JAM3: variants seen among roughly 807,000 people sequenced by gnomAD.
The protein encoded by JAM3 is junctional adhesion molecule 3, also known as junctional adhesion molecule C.
JAM3 carries 31 observed loss-of-function variants against 39.4 expected under a neutral mutation model. That is an observed-to-expected ratio of 0.79 (90% CI 0.59 to 1.06). JAM3 has a LOEUF of 1.06. Ranked by LOEUF, JAM3 falls within the 50% of genes least tolerant of loss-of-function variation. JAM3 has a pLI of 0.00. For synonymous variants in JAM3, 182 were observed against 148.7 expected (o/e 1.22, Z -1.63); for missense variants, 455 against 391.4 (o/e 1.16, Z -1.37).
At chr11:134,089,884 A>G (rs1941813685) in intron 1 of JAM3, among the ~76,000 whole-genome samples, 1 of 152,194 alleles carries the variant, frequency 6.6e-6, no homozygotes, top group African/African-American at 2.4e-5. Context: ...GAATCGCCAC[A>G]CTGACTTCCA....
intron 1 of JAM3, among the ~76,000 whole-genome samples, chr11:134,076,698 A>C (rs1941576355): frequency 6.6e-6 from 1 of 151,904 alleles, no homozygotes; most frequent in Non-Finnish European, 1.5e-5. Context: ...CACTGGGGGA[A>C]GTATTTTTTA....
At chr11:134,100,122 G>T (rs1056808492) in intron 1 of JAM3, among the ~76,000 whole-genome samples, 7 of 152,016 alleles carry the variant, frequency 4.6e-5, no homozygotes, top group South Asian at 2.1e-4. Flanking sequence ...CTCAAATTCT[G>T]TTTCTGATTA....
intron 1 of JAM3, among the ~76,000 whole-genome samples, chr11:134,113,969 C>G (rs1403447938): frequency 7.2e-5 from 11 of 152,260 alleles, no homozygotes; most frequent in Admixed American, 1.3e-4. Context: ...CTTCATGTGT[C>G]TTTTGGCTGC....
Position 134,099,490 on chromosome 11 carries a change from C to T in JAM3, c.76+30331C>T, listed in dbSNP as rs1468647432. Among the ~76,000 whole-genome samples the T allele has an allele frequency of 1.3e-5, 2 of 152,216 alleles. 1 individual carries two copies. The highest frequency in any genetic ancestry group is 4.8e-5 in the African/African-American group (2 of 41,452). ...TCTGATGGTGGTATTGAGGATAAGACAGTATTTGTCATCTGTAATTAACTG... is the reference window on the plus strand; with the variant it reads ...TCTGATGGTGGTATTGAGGATAAGATAGTATTTGTCATCTGTAATTAACTG... On this transcript the variant is annotated intron_variant, in intron 1 of 8. Coordinates refer to ENST00000299106, the MANE Select transcript of JAM3 (RefSeq NM_032801.5).
intron 1 of JAM3, among the ~76,000 whole-genome samples, chr11:134,117,391 AAC>A (rs1264914044): frequency 6.6e-6 from 1 of 152,086 alleles, no homozygotes; most frequent in Non-Finnish European, 1.5e-5. Flanking sequence ...AAAAAAGAAA[AAC>A]AATCCAAATT....
intron 1 of JAM3, among the ~76,000 whole-genome samples, chr11:134,071,266 T>A (rs1941480994): frequency 6.6e-6 from 1 of 152,218 alleles, no homozygotes. Context: ...TTGTGCCCTT[T>A]TGTGGATGAG....
intron 1 of JAM3, among the ~76,000 whole-genome samples, chr11:134,138,989 C>A (rs535805232): frequency 3.5e-4 from 53 of 152,272 alleles, no homozygotes; most frequent in Non-Finnish European, 6.9e-4. Context: ...AGCCAGGACC[C>A]AGAGACCTTC....
intron 1 of JAM3, among the ~76,000 whole-genome samples, chr11:134,095,836 C>A (rs1033838554): frequency 2.0e-5 from 3 of 152,182 alleles, no homozygotes; most frequent in African/African-American, 7.2e-5. Context: ...TAACAAACAT[C>A]TTAAATGTTG....
chr11:134,116,474 A>G (rs1004517554), intron 1 of JAM3, among the ~76,000 whole-genome samples: 1 of 152,184 alleles, frequency 6.6e-6, no homozygotes, highest in African/African-American at 2.4e-5. Flanking sequence ...ATAATCCAAT[A>G]GTATCATAAT....
At chr11:134,095,170 C>A (rs750461934) in intron 1 of JAM3, among the ~76,000 whole-genome samples, 1 of 152,150 alleles carries the variant, frequency 6.6e-6, no homozygotes, top group Non-Finnish European at 1.5e-5. Flanking sequence ...GAAAGTAAAC[C>A]AGCATTGTTT....
At chr11:134,116,238 A>G (rs1252319788) in intron 1 of JAM3, among the ~76,000 whole-genome samples, 1 of 152,214 alleles carries the variant, frequency 6.6e-6, no homozygotes, top group Admixed American at 6.5e-5. Context: ...CTATTCAAGT[A>G]TTCTGATAAA....
intron 1 of JAM3, among the ~76,000 whole-genome samples, chr11:134,071,209 T>G (rs583109): frequency 0.44 from 66,995 of 152,086 alleles, 17,483 homozygotes; most frequent in African/African-American, 0.74. Flanking sequence ...AATTTAATGT[T>G]TGCTAATTTA....
At chr11:134,072,906 G>C (rs547404413) in intron 1 of JAM3, among the ~76,000 whole-genome samples, 1 of 152,068 alleles carries the variant, frequency 6.6e-6, no homozygotes, top group Non-Finnish European at 1.5e-5. Flanking sequence ...GTGAAACTCC[G>C]TCTTGGGGGA....
chr11:134,071,037 C>T (rs2120552902), intron 1 of JAM3, among the ~76,000 whole-genome samples: 1 of 152,068 alleles, frequency 6.6e-6, no homozygotes, highest in African/African-American at 2.4e-5. Context: ...TTTAAGCTAC[C>T]CTAAAACTGT....
At chr11:134,146,075 G>A (rs374005512) in intron 6 of JAM3, 30 bp downstream of exon 6, 8 of 1,370,538 alleles carry the variant, frequency 5.8e-6, no homozygotes, top group East Asian at 4.6e-5. Context: ...AGGTTTCATC[G>A]CAAGACTGGG....
intron 3 of JAM3, 101 bp downstream of exon 3, chr11:134,140,871 C>T: frequency 2.1e-6 from 3 of 1,442,244 alleles, no homozygotes; most frequent in Admixed American, 2.2e-5. Context: ...TAACCTGCAT[C>T]TGTAGCTAGG....
chr11:134,146,239 TCAAAA>T (rs1462237380), intron 6 of JAM3, among the ~76,000 whole-genome samples, 194 bp downstream of exon 6: 1 of 152,182 alleles, frequency 6.6e-6, no homozygotes, highest in East Asian at 1.9e-4. Flanking sequence ...AAGCAGGTCC[TCAAAA>T]CAAAACCTTC....
chr11:134,106,833 C>T (rs976408108), intron 1 of JAM3, among the ~76,000 whole-genome samples: 13 of 152,306 alleles, frequency 8.5e-5, no homozygotes, highest in African/African-American at 3.1e-4. Context: ...CAGGAAACAA[C>T]AGGTGCTGGA....
At chr11:134,147,735 C>G (rs963902747) in intron 6 of JAM3, 1 of 152,166 alleles carries the variant, frequency 6.6e-6, no homozygotes, top group African/African-American at 2.4e-5. Context: ...ATCTGCCCAC[C>G]TCGGCCTCCC....
Sources: allele counts gnomAD v4.1 joint callset (sites outside exome capture counted in the v4.1 genomes callset), GRCh38; gene constraint gnomAD v4.1.1; transcripts MANE v1.5; gene names NCBI Gene and HGNC (gene_info 2026-07-23, HGNC 2026-07-21).